PNPLA8: variants seen among roughly 807,000 people sequenced by gnomAD.
The protein encoded by PNPLA8 is patatin like domain 8, phospholipase A2, also known as calcium-independent phospholipase A2-gamma.
A neutral mutation model predicts 76.9 loss-of-function variants in PNPLA8; 39 were observed. That is an observed-to-expected ratio of 0.51 (90% CI 0.39 to 0.66). The LOEUF (loss-of-function observed/expected upper bound fraction) is 0.66. Ranked by LOEUF, PNPLA8 falls within the 30% of genes least tolerant of loss-of-function variation. The pLI, the probability that PNPLA8 is intolerant of heterozygous loss-of-function variation, is 0.00. For synonymous variants in PNPLA8, 301 were observed against 307.9 expected, an observed-to-expected ratio of 0.98 and a Z score of 0.24; for missense variants, 887 against 918.0, an observed-to-expected ratio of 0.97 and a Z score of 0.44.
upstream of PNPLA8, among the ~76,000 whole-genome samples, chr7:108,526,562 C>T (rs751485863): frequency 1.2e-4 from 18 of 152,356 alleles, no homozygotes; most frequent in Non-Finnish European, 2.4e-4. Flanking sequence ...GAAGCCCCTG[C>T]CTGCGCTGAG....
intron 7 of PNPLA8, among the ~76,000 whole-genome samples, chr7:108,493,790 T>C (rs1861372700): frequency 6.6e-6 from 1 of 152,194 alleles, no homozygotes; most frequent in Middle Eastern, 3.4e-3. Flanking sequence ...AGTGGAATTT[T>C]TTTTTATGTG....
chr7:108,486,598 T>A (rs1860752323), intron 9 of PNPLA8, among the ~76,000 whole-genome samples: 1 of 152,078 alleles, frequency 6.6e-6, no homozygotes. Context: ...CCTATTTTAA[T>A]CTCTTAACTA....
chr7:108,517,377 C>T (rs1023552790), intron 2 of PNPLA8, among the ~76,000 whole-genome samples: 1 of 152,196 alleles, frequency 6.6e-6, no homozygotes, highest in Admixed American at 6.5e-5. Context: ...ATACTCTTAA[C>T]ATGACCCAGC....
chr7:108,483,291 A>G (rs111677067), intron 9 of PNPLA8, among the ~76,000 whole-genome samples: 337 of 152,314 alleles, frequency 2.2e-3, no homozygotes, highest in African/African-American at 7.3e-3. Context: ...TTTATCACCA[A>G]TGTGTAGCTT....
intron 8 of PNPLA8, among the ~76,000 whole-genome samples, chr7:108,490,205 G>A (rs984916937): frequency 1.3e-5 from 2 of 152,062 alleles, no homozygotes; most frequent in Non-Finnish European, 2.9e-5. Context: ...TATAGCCTAG[G>A]AACTATAGGC....
intron 6 of PNPLA8, among the ~76,000 whole-genome samples, chr7:108,496,966 T>A (rs1292499399): frequency 1.3e-5 from 2 of 152,096 alleles, no homozygotes; most frequent in Admixed American, 6.5e-5. Flanking sequence ...TCTTACTGGG[T>A]TAACAAATGT....
Position 108,515,038 on chromosome 7 carries a change from G to C in PNPLA8, c.454C>G (p.Gln152Glu), listed in dbSNP as rs750416116. ...SGWLKQKNIK[Q>E]AIKSLKKYSD... ...TATTTTTTCAGAGATTTGATGGCTTGTTTGATGTTTTTCTGTTTTAACCAG... is the reference window on the plus strand; with the variant it reads ...TATTTTTTCAGAGATTTGATGGCTTCTTTGATGTTTTTCTGTTTTAACCAG... Residue 152 changes from glutamine (Q) to glutamate (E), a missense_variant, in exon 3 of 11, where the codon CAA (glutamine) becomes GAA (glutamate). Gln to Glu is a conservative substitution (Grantham distance 29). Transcript: ENST00000257694. 1 of 1,607,430 alleles carries C rather than the reference G, an allele frequency of 6.2e-7. No individual in the cohort carries two copies. Among genetic ancestry groups the C allele is most frequent in the Non-Finnish European group, 8.5e-7 (1 of 1,179,834 alleles).
chr7:108,485,038 G>A (rs892850901), intron 9 of PNPLA8, among the ~76,000 whole-genome samples: 1 of 152,112 alleles, frequency 6.6e-6, no homozygotes, highest in Admixed American at 6.6e-5. Context: ...TTATGTTTAT[G>A]TATCCTAAGC....
intron 9 of PNPLA8, among the ~76,000 whole-genome samples, chr7:108,484,384 G>A (rs1425453184): frequency 6.6e-6 from 1 of 151,988 alleles, no homozygotes; most frequent in African/African-American, 2.4e-5. Context: ...ACCACATCCT[G>A]TTAATATTTT....
intron 4 of PNPLA8, among the ~76,000 whole-genome samples, chr7:108,512,536 C>T (rs1438812967): frequency 6.6e-6 from 1 of 151,936 alleles, no homozygotes; most frequent in Non-Finnish European, 1.5e-5. Context: ...ACATAATTCC[C>T]TGTATTTAGC....
At chr7:108,527,163 C>T (rs1864126935), upstream of PNPLA8, among the ~76,000 whole-genome samples, 1 of 152,206 alleles carries the variant, frequency 6.6e-6, no homozygotes, top group African/African-American at 2.4e-5. Context: ...TTACCCACTA[C>T]CCATGGGTAT....
chr7:108,471,444 A>C lies in PNPLA8; in HGVS notation c.*957T>G, dbSNP rs1271263293. ...TGGCCAGGCTGGTCTTGGACTCCTGACGTCAGGTGATCTGCCTGCCTCGGC... is the reference window on the plus strand; with the variant it reads ...TGGCCAGGCTGGTCTTGGACTCCTGCCGTCAGGTGATCTGCCTGCCTCGGC... On this transcript the variant is annotated 3_prime_UTR_variant, in exon 11 of 11. Coordinates refer to ENST00000257694, the MANE Select transcript of PNPLA8 (RefSeq NM_001256007.3). The C allele has an allele frequency of 6.6e-6, 1 of 152,088 alleles. No individual in the cohort carries two copies. Among genetic ancestry groups the C allele is most frequent in the African/African-American group, 2.4e-5 (1 of 41,380 alleles). 9.4% of individuals were successfully genotyped at this position (152,088 alleles called of 1,614,324 possible). A position where few individuals can be genotyped will look rare whatever the true frequency, so the allele number is the denominator to read the frequency against.
chr7:108,472,876 T>C (rs1859722948), intron 10 of PNPLA8, among the ~76,000 whole-genome samples: 1 of 152,214 alleles, frequency 6.6e-6, no homozygotes, highest in Admixed American at 6.5e-5. Context: ...TCTTCCAAAA[T>C]ACATTATTCT....
Position 108,515,067 on chromosome 7 carries a change from C to T in PNPLA8, c.425G>A (p.Ser142Asn), listed in dbSNP as rs769232930. The change falls in exon 3 of 11, where the codon AGT becomes AAT. Residue 142 changes from serine (S) to asparagine (N), a missense_variant. Transcript: ENST00000257694. ...SSQILRKVSD[S>N]GWLKQKNIKQ... ...GATGTTTTTCTGTTTTAACCAGCCACTATCCGATACTTTTCTTAAAATTTG... is the reference window on the plus strand; with the variant it reads ...GATGTTTTTCTGTTTTAACCAGCCATTATCCGATACTTTTCTTAAAATTTG... 5 of 1,603,532 alleles carry T rather than the reference C, an allele frequency of 3.1e-6. No individual in the cohort carries two copies. In the Admixed American group the frequency reaches 5.2e-5, roughly 17 times the overall value.
At chr7:108,495,688 T>C (rs919258293) in intron 7 of PNPLA8, among the ~76,000 whole-genome samples, 2 of 152,144 alleles carry the variant, frequency 1.3e-5, no homozygotes, top group African/African-American at 4.8e-5. Context: ...AAATTTAAAG[T>C]TTTCTATGAC....
At chr7:108,494,619 C>A (rs1861427802) in intron 7 of PNPLA8, among the ~76,000 whole-genome samples, 1 of 152,116 alleles carries the variant, frequency 6.6e-6, no homozygotes, top group Non-Finnish European at 1.5e-5. Flanking sequence ...TGATGGGCAC[C>A]TACCTAGGTT....
At chr7:108,473,300 C>T (rs145262315) in intron 10 of PNPLA8, among the ~76,000 whole-genome samples, 348 of 152,258 alleles carry the variant, frequency 2.3e-3, no homozygotes, top group African/African-American at 7.8e-3. Flanking sequence ...TGTATAGATA[C>T]AACACAATTT....
intron 1 of PNPLA8, among the ~76,000 whole-genome samples, chr7:108,522,102 T>C (rs1273990115): frequency 6.6e-6 from 1 of 151,638 alleles, no homozygotes; most frequent in African/African-American, 2.4e-5. Context: ...AAGACCAGCC[T>C]GGCCAATATG....
chr7:108,490,511 C>T (rs561030301), intron 8 of PNPLA8, among the ~76,000 whole-genome samples: 72 of 152,272 alleles, frequency 4.7e-4, no homozygotes, highest in Admixed American at 7.8e-4. Context: ...AGGCTGGGCG[C>T]GGTGGCTCAC....
Sources: allele counts gnomAD v4.1 joint callset (sites outside exome capture counted in the v4.1 genomes callset), GRCh38; gene constraint gnomAD v4.1.1; transcripts MANE v1.5; gene names NCBI Gene and HGNC (gene_info 2026-07-23, HGNC 2026-07-21).